Variants in IQCM observed in about 807,000 individuals in gnomAD.
IQCM encodes the protein IQ motif containing M, also known as IQ domain-containing protein M.
IQCM carries 45 observed loss-of-function variants against 57.6 expected under a neutral mutation model. That is an observed-to-expected ratio of 0.78 (90% CI 0.62 to 1.00). The LOEUF (loss-of-function observed/expected upper bound fraction) is 1.00, where lower values mean the gene tolerates loss of function less well. Among genes scored for constraint, IQCM ranks in the 50% least tolerant of loss-of-function variants. IQCM has a pLI of 0.00. For synonymous variants in IQCM, 148 were observed against 158.9 expected (o/e 0.93, Z 0.51); for missense variants, 468 against 511.6 (o/e 0.91, Z 0.82).
chr4:149,672,329 A>G (rs979039394), intron 7 of IQCM, among the ~76,000 whole-genome samples: 3 of 152,120 alleles, frequency 2.0e-5, no homozygotes, highest in African/African-American at 7.2e-5. Flanking sequence ...AAACTTCTCC[A>G]AGCTAAAGGA....
At chr4:149,609,657 C>T (rs988232807) in intron 8 of IQCM, among the ~76,000 whole-genome samples, 2 of 151,824 alleles carry the variant, frequency 1.3e-5, no homozygotes, top group African/African-American at 4.8e-5. Context: ...TCAATAGATG[C>T]TGAGAAAGCA....
At chr4:149,591,567 G>A (rs1174244043) in intron 8 of IQCM, among the ~76,000 whole-genome samples, 2 of 151,594 alleles carry the variant, frequency 1.3e-5, no homozygotes, top group Non-Finnish European at 2.9e-5. Context: ...TCGTCATTTA[G>A]CATTAGGTAT....
At chr4:149,618,318 G>GA (rs1300342920) in intron 8 of IQCM, among the ~76,000 whole-genome samples, 3 of 152,062 alleles carry the variant, frequency 2.0e-5, no homozygotes, top group African/African-American at 7.2e-5. Context: ...AATAAAACTG[G>GA]ACCCCTATCT....
chr4:149,492,624 T>C (rs1742215836), intron 12 of IQCM, among the ~76,000 whole-genome samples: 1 of 152,144 alleles, frequency 6.6e-6, no homozygotes, highest in Non-Finnish European at 1.5e-5. Context: ...AGGCCTACAT[T>C]CTGTGTCACT....
chr4:149,482,474 G>GT (rs1050660519), intron 12 of IQCM, among the ~76,000 whole-genome samples: 3 of 151,796 alleles, frequency 2.0e-5, no homozygotes, highest in Non-Finnish European at 3.0e-5. Flanking sequence ...ATTATTGGAG[G>GT]TTTTTTATCA....
chr4:149,593,771 A>C (rs191727041), intron 8 of IQCM, among the ~76,000 whole-genome samples: 3 of 152,176 alleles, frequency 2.0e-5, no homozygotes, highest in South Asian at 4.1e-4. Context: ...ATTGACTTGC[A>C]TATGTTGAAC....
intron 3 of IQCM, among the ~76,000 whole-genome samples, chr4:149,738,628 C>T (rs534660298): frequency 6.6e-6 from 1 of 152,092 alleles, no homozygotes; most frequent in Non-Finnish European, 1.5e-5. Context: ...GATTACTGAG[C>T]AGAACAAGGC....
chr4:149,556,848 CT>C (rs932568362), intron 10 of IQCM, among the ~76,000 whole-genome samples: 1 of 152,168 alleles, frequency 6.6e-6, no homozygotes, highest in African/African-American at 2.4e-5. Flanking sequence ...CTCTTGCCCT[CT>C]TTCAGGCCTC....
At chr4:149,396,043 A>T (rs1732203898) in intron 13 of IQCM, among the ~76,000 whole-genome samples, 1 of 151,956 alleles carries the variant, frequency 6.6e-6, no homozygotes, top group Non-Finnish European at 1.5e-5. Flanking sequence ...CTATATTTTT[A>T]GTTTTTTAAC....
At chr4:149,778,124 C>G (rs1027286464) in intron 2 of IQCM, among the ~76,000 whole-genome samples, 3 of 152,212 alleles carry the variant, frequency 2.0e-5, no homozygotes, top group Non-Finnish European at 4.4e-5. Flanking sequence ...CGCCTGTAAT[C>G]CCAGCACTTT....
chr4:149,459,796 A>G (rs1738079961), intron 12 of IQCM, among the ~76,000 whole-genome samples: 1 of 152,188 alleles, frequency 6.6e-6, no homozygotes, highest in African/African-American at 2.4e-5. Context: ...ATTATATCCC[A>G]TTATATGTAT....
At chr4:149,490,338 G>A (rs1503692) in intron 12 of IQCM, among the ~76,000 whole-genome samples, 152,151 of 152,158 alleles carry the variant, frequency 1, 76,072 homozygotes, top group Middle Eastern at 1. Flanking sequence ...ACAACCATCT[G>A]TTATCATACA....
At chr4:149,683,531 G>A (rs1762342857) in intron 6 of IQCM, among the ~76,000 whole-genome samples, 1 of 151,266 alleles carries the variant, frequency 6.6e-6, no homozygotes, top group South Asian at 2.1e-4. Context: ...AAAGGACTGA[G>A]GTATCCCTTA....
intron 13 of IQCM, among the ~76,000 whole-genome samples, chr4:149,373,887 T>C (rs13101536): frequency 0.054 from 8,143 of 152,190 alleles, 246 homozygotes; most frequent in Middle Eastern, 0.065. Flanking sequence ...CTACACTCAC[T>C]TAAGATTCAG....
chr4:149,671,901 T>C (rs576454320), intron 7 of IQCM, among the ~76,000 whole-genome samples: 32 of 152,242 alleles, frequency 2.1e-4, no homozygotes, highest in African/African-American at 6.5e-4. Flanking sequence ...CTTCCAACTA[T>C]GGGTGCCTCT....
intron 13 of IQCM, among the ~76,000 whole-genome samples, chr4:149,377,976 G>C (rs1311242177): frequency 6.6e-6 from 1 of 152,138 alleles, no homozygotes; most frequent in African/African-American, 2.4e-5. Flanking sequence ...GAGGGACCAA[G>C]TGGGAGATAT....
intron 2 of IQCM, among the ~76,000 whole-genome samples, chr4:149,809,706 C>T (rs769584959): frequency 3.6e-4 from 55 of 152,170 alleles, no homozygotes; most frequent in Non-Finnish European, 6.3e-4. Context: ...TGGTCCACAT[C>T]TAACTCATGT....
chr4:149,465,232 T>C (rs6825099), intron 12 of IQCM, among the ~76,000 whole-genome samples: 81,310 of 151,972 alleles, frequency 0.54, 21,982 homozygotes, highest in Non-Finnish European at 0.56. Context: ...TTTGGTTTTT[T>C]TTAATCAATT....
chr4:149,595,995 G>C (rs1753741572), intron 8 of IQCM, among the ~76,000 whole-genome samples: 1 of 152,162 alleles, frequency 6.6e-6, no homozygotes, highest in African/African-American at 2.4e-5. Context: ...GACTGGAGAA[G>C]ATGACACAGA....
Sources: gnomAD v4.1 joint callset for allele counts (sites outside exome capture counted in the v4.1 genomes callset) on GRCh38, gnomAD v4.1.1 for gene constraint, MANE v1.5 for transcripts, NCBI Gene and HGNC (gene_info 2026-07-23, HGNC 2026-07-21) for gene names.